BOD1L1: variants seen among roughly 807,000 people sequenced by gnomAD.
The protein encoded by BOD1L1 is biorientation of chromosomes in cell division protein 1-like 1.
BOD1L1 carries 86 observed loss-of-function variants against 240.7 expected under a neutral mutation model. The ratio of observed to expected loss-of-function variants is 0.36; its 90% CI spans 0.30 to 0.43. BOD1L1 has a LOEUF of 0.43. Ranked by LOEUF, BOD1L1 falls within the 20% of genes least tolerant of loss-of-function variation. The pLI is 1.00. For missense variants in BOD1L1, 3,554 were observed against 3,643.5 expected, an observed-to-expected ratio of 0.98 and a Z score of 0.63; for synonymous variants, 1,268 against 1,272.3, an observed-to-expected ratio of 1.00 and a Z score of 0.07.
Position 13,600,309 on chromosome 4 carries a change from C to A in BOD1L1, c.6591G>T (p.Ala2197=). 1 of 1,614,010 alleles carries A rather than the reference C, an allele frequency of 6.2e-7. No individual in the cohort carries two copies. The highest frequency in any genetic ancestry group is 1.3e-5 in the African/African-American group (1 of 75,054). Residue 2197 remains alanine (A), a synonymous_variant, in exon 10 of 26, where the codon GCG becomes GCT. Coordinates refer to ENST00000040738, the MANE Select transcript of BOD1L1 (RefSeq NM_148894.3). ...CAAGAGGACTTTCAGCTTCTGGGGGCGCACTGGGCATAGGCCCCTCAAAGT... is the reference window on the plus strand; with the variant it reads ...CAAGAGGACTTTCAGCTTCTGGGGGAGCACTGGGCATAGGCCCCTCAAAGT... ...TADFEGPMPS[A]PPEAESPLAS...
chr4:13,577,330 C>T, intron 24 of BOD1L1, 73 bp downstream of exon 24: 2 of 1,296,872 alleles, frequency 1.5e-6, no homozygotes, highest in Non-Finnish European at 1.1e-6. Flanking sequence ...GATTTTTCCT[C>T]ATTCAAAGAA....
intron 1 of BOD1L1, chr4:13,625,422 T>G (rs1053586083): frequency 6.6e-6 from 1 of 152,094 alleles, no homozygotes; most frequent in African/African-American, 2.4e-5. Context: ...CCTCCTTCCC[T>G]CCAAAAAAGG....
rs190349152 is a variant in BOD1L1 at position 13,615,804 on chromosome 4, T to C, written c.369-302A>G. 3.6e-4 allele frequency among the ~76,000 whole-genome samples: 55 copies of C among 152,302 alleles called. No individual in the cohort carries two copies. In the East Asian group the frequency reaches 9.8e-3, roughly 27 times the overall value. On this transcript the variant is annotated intron_variant, in intron 2 of 25. Transcript: ENST00000040738. ...ACAGTACACTGCCTAGGGTCCAGTA[T>C]AGAGGTGATGCTTATCTCACCCCTA...
chr4:13,618,800 C>T lies in BOD1L1; in HGVS notation c.368+1143G>A, dbSNP rs963933617. Among the ~76,000 whole-genome samples the T allele has an allele frequency of 4.0e-5, 6 of 151,080 alleles. No homozygotes were observed. The South Asian group carries it at 8.4e-4, about 21-fold the overall frequency. On this transcript the variant is annotated intron_variant, in intron 2 of 25. Transcript: ENST00000040738. Reference sequence around the variant, plus strand: ...GAAACTATCAGACTAGATAGGCTTTCGAGAGGTTCCTATGGGACAAAAGGA... The same window carrying T: ...GAAACTATCAGACTAGATAGGCTTTTGAGAGGTTCCTATGGGACAAAAGGA...
rs1388891941 is a variant in BOD1L1 at position 13,607,152 on chromosome 4, C to T, written c.1780G>A (p.Glu594Lys). 2 of 1,575,484 alleles carry T rather than the reference C, an allele frequency of 1.3e-6. No individual in the cohort carries two copies. Among genetic ancestry groups the T allele is most frequent in the African/African-American group, 1.4e-5 (1 of 72,984 alleles). Residue 594 changes from glutamate to lysine, a missense_variant, in exon 9 of 26, where the codon GAA becomes AAA. Physicochemically the swap from Glu to Lys is moderately conservative, Grantham distance 56. Transcript: ENST00000040738. ...EENSKKKQQY[E>K]EDSKETLKTS... ...TTAAGGGTTTCTTTGGAATCTTCTTCATATTGCTGTTTCTTTTTGGAGTTC... is the reference window on the plus strand; with the variant it reads ...TTAAGGGTTTCTTTGGAATCTTCTTTATATTGCTGTTTCTTTTTGGAGTTC...
chr4:13,613,861 G>C lies in BOD1L1; in HGVS notation c.1175-200C>G, dbSNP rs1365960444. Among the ~76,000 whole-genome samples the C allele has an allele frequency of 6.6e-6, 1 of 152,066 alleles. No individual in the cohort carries two copies. The highest frequency in any genetic ancestry group is 1.5e-5 in the Non-Finnish European group (1 of 68,012). ...ACTAAACTATTAATTTATAATGTAT[G>C]ATATAATAATAAAATGAATTTTAAG... On this transcript the variant is annotated intron_variant, in intron 4 of 25. Coordinates refer to ENST00000040738, the MANE Select transcript of BOD1L1 (RefSeq NM_148894.3). This position sits in a 1 kb window ranked among gnomAD's most constrained non-coding sequence, Gnocchi z 4.0.
At chr4:13,572,980 GA>G in intron 25 of BOD1L1, 2 of 582,774 alleles carry the variant, frequency 3.4e-6, no homozygotes, top group Non-Finnish European at 5.1e-6. Context: ...TGGTTTTCCT[GA>G]CCACTGCTGA....
chr4:13,574,224 A>G (rs2108877282), intron 25 of BOD1L1, among the ~76,000 whole-genome samples: 1 of 152,286 alleles, frequency 6.6e-6, no homozygotes, highest in Middle Eastern at 3.4e-3. Context: ...GTCCATGCAA[A>G]AGCAGGAAGA....
chr4:13,624,594 T>C (rs1717259228), intron 1 of BOD1L1: 1 of 152,116 alleles, frequency 6.6e-6, no homozygotes, highest in Non-Finnish European at 1.5e-5. Flanking sequence ...ACTTTTTTTG[T>C]ATTTTTACTA....
intron 25 of BOD1L1, among the ~76,000 whole-genome samples, chr4:13,572,432 T>C (rs1712285603): frequency 6.6e-6 from 1 of 152,148 alleles, no homozygotes; most frequent in Admixed American, 6.5e-5. Context: ...CCACACTGCC[T>C]TGCCTTTGGT....
At chr4:13,626,787 C>T (rs1161460564) in intron 1 of BOD1L1, among the ~76,000 whole-genome samples, 1 of 152,092 alleles carries the variant, frequency 6.6e-6, no homozygotes, top group Non-Finnish European at 1.5e-5. Flanking sequence ...CCCTTCTTAC[C>T]TTAGAATGGT....
chr4:13,611,366 C>CA lies in BOD1L1; in HGVS notation c.1325-267dup, dbSNP rs141542246. On this transcript the variant is annotated intron_variant, in intron 5 of 25. Transcript: ENST00000040738. ...AAAATTTCAGACAAATTAAATGTAA[C>CA]AGAGTTTTCTGGAGCAAAGAATGAT... Among the ~76,000 whole-genome samples, 607 of 152,234 alleles carry CA rather than the reference C, an allele frequency of 4.0e-3. 1 individual carries two copies. The highest frequency in any genetic ancestry group is 0.013 in the African/African-American group (556 of 41,548).
At chr4:13,593,088 T>C (rs183710406) in intron 12 of BOD1L1, 1 of 152,272 alleles carries the variant, frequency 6.6e-6, no homozygotes, top group East Asian at 1.9e-4. Context: ...CACTGGAAGT[T>C]TGACTTTGAA....
chr4:13,627,539 G>T lies in BOD1L1; in HGVS notation c.49C>A (p.Pro17Thr). ...PQPPPPAPPP[P>T]PPQPQPQPPP... ...GGCTGCGGCTGCGGCTGCGGCGGGG[G>T]AGGCGGCGGCGCCGGAGGAGGCGGC... Residue 17 changes from proline to threonine, a missense_variant, in exon 1 of 26, where the codon CCC (proline) becomes ACC (threonine). Around this residue, in one of 2 missense-constraint regions of BOD1L1, gnomAD observed 161 missense variants for 216.4 expected, o/e 0.74. Coordinates refer to ENST00000040738, the MANE Select transcript of BOD1L1 (RefSeq NM_148894.3). The T allele has an allele frequency of 8.9e-7, 1 of 1,127,040 alleles. No individual in the cohort carries two copies. The highest frequency in any genetic ancestry group is 4.2e-5 in the East Asian group (1 of 23,666). 69.8% of individuals were successfully genotyped at this position (1,127,040 alleles called of 1,614,324 possible).
chr4:13,603,108 A>G lies in BOD1L1; in HGVS notation c.3792T>C (p.His1264=). The change falls in exon 10 of 26, where the codon CAT becomes CAC. Residue 1264 remains histidine, a synonymous_variant. Coordinates refer to ENST00000040738, the MANE Select transcript of BOD1L1 (RefSeq NM_148894.3). The stretch of plus-strand genomic sequence containing the variant: ...CAAGAGTGGCATCTCCTTGAGCAAC[A>G]TGTTCTTCAGCAGCTGTGTTTTTCA... ...KNLKNTAAEE[H]VAQGDATLEH... The G allele has an allele frequency of 6.2e-7, 1 of 1,614,012 alleles. No homozygotes were observed. The highest frequency in any genetic ancestry group is 8.5e-7 in the Non-Finnish European group (1 of 1,179,882).
chr4:13,586,243 A>C (rs1452845649), intron 17 of BOD1L1, among the ~76,000 whole-genome samples, 153 bp downstream of exon 17: 1 of 152,228 alleles, frequency 6.6e-6, no homozygotes, highest in African/African-American at 2.4e-5. Flanking sequence ...GGAGACTAAA[A>C]AATAGACACC....
In BOD1L1 at chr4:13,627,529, TGCGGCGGGGGAG is replaced by T. The variant is rs1717502043; in HGVS notation, c.47_58del (p.Pro16_Pro19del). ...CGGCGGCGGTGGCTGCGGCTGCGGC[TGCGGCGGGGGAG>T]GCGGCGGCGCCGGAGGAGGCGGCTG... On this transcript the variant is annotated inframe_deletion, in exon 1 of 26. Coordinates refer to ENST00000040738, the MANE Select transcript of BOD1L1 (RefSeq NM_148894.3). 2 of 1,101,462 alleles carry T rather than the reference TGCGGCGGGGGAG, an allele frequency of 1.8e-6. No homozygotes were observed. Among genetic ancestry groups the T allele is most frequent in the Non-Finnish European group, 2.2e-6 (2 of 904,600 alleles). 68.2% of individuals were successfully genotyped at this position (1,101,462 alleles called of 1,614,324 possible). A position where few individuals can be genotyped will look rare whatever the true frequency, so the allele number is the denominator to read the frequency against.
chr4:13,595,880 C>G lies in BOD1L1; in HGVS notation c.8084G>C (p.Gly2695Ala). 6.2e-7 allele frequency: 1 copy of G among 1,613,702 alleles called. No homozygotes were observed. The highest frequency in any genetic ancestry group is 8.5e-7 in the Non-Finnish European group (1 of 1,179,806). The change falls in exon 12 of 26, where the codon GGG becomes GCG. Residue 2695 changes from glycine to alanine, a missense_variant. Gly to Ala is a moderately conservative substitution (Grantham distance 60). This residue lies in a region of BOD1L1 where 3,393 missense variants were observed against 3,427.1 expected (regional missense o/e 0.99). Transcript: ENST00000040738. Reference sequence around the variant, plus strand: ...CTCACCTATTCCACTTGGCTTTCCCCCACACAGACTTTCTGGTGGTGCCAG... The same window carrying G: ...CTCACCTATTCCACTTGGCTTTCCCGCACACAGACTTTCTGGTGGTGCCAG... ...EILAPPESLCGGKPSGIAELQ... is the reference protein window; with the variant it reads ...EILAPPESLCAGKPSGIAELQ...
rs1404830169 is a variant in BOD1L1, at chr4:13,614,269, T to A, written c.1101A>T (p.Lys367Asn). Reference sequence around the variant, plus strand: ...AAGGAAGTTTTAAACTCTCTACTTCTTTTTCCTTTGCTTGTTTTTCATCTT... The same window carrying A: ...AAGGAAGTTTTAAACTCTCTACTTCATTTTCCTTTGCTTGTTTTTCATCTT... ...KVKDEKQAKEKEVESLKLPSE... is the reference protein window; with the variant it reads ...KVKDEKQAKENEVESLKLPSE... Residue 367 changes from lysine (K) to asparagine (N), a missense_variant, in exon 4 of 26, where the codon AAA (lysine) becomes AAT (asparagine). Coordinates refer to ENST00000040738, the MANE Select transcript of BOD1L1 (RefSeq NM_148894.3). The A allele has an allele frequency of 6.5e-7, 1 of 1,546,162 alleles. No homozygotes were observed.
Sources: allele counts gnomAD v4.1 joint callset (sites outside exome capture counted in the v4.1 genomes callset), GRCh38; gene constraint gnomAD v4.1.1; regional missense constraint gnomAD v4.1.1; non-coding constraint Gnocchi (gnomAD v3.1); transcripts MANE v1.5; gene names NCBI Gene and HGNC (gene_info 2026-07-23, HGNC 2026-07-21).